The following TMEM131L variants were observed in gnomAD, a reference collection of about 807,000 sequenced individuals.
TMEM131L encodes the protein transmembrane protein 131-like.
A neutral mutation model predicts 192.2 loss-of-function variants in TMEM131L; 54 were observed. The ratio of observed to expected loss-of-function variants is 0.28; its 90% confidence interval spans 0.23 to 0.35. The LOEUF (loss-of-function observed/expected upper bound fraction) is 0.35, where lower values mean the gene tolerates loss of function less well. TMEM131L is among the 10% of genes least tolerant of loss of function. The pLI is 1.00. For synonymous variants in TMEM131L, 701 were observed against 704.9 expected (o/e 0.99, Z 0.09); for missense variants, 1,888 against 1,972.9 (o/e 0.96, Z 0.82).
chr4:153,466,808 A>C (rs1187103686), intron 1 of TMEM131L, among the ~76,000 whole-genome samples: 2 of 152,052 alleles, frequency 1.3e-5, no homozygotes, highest in Non-Finnish European at 2.9e-5. Flanking sequence ...CCCCGGGCGC[A>C]GCCCCCGCTT....
intron 1 of TMEM131L, 34 bp from the exon 2 acceptor site, chr4:153,467,177 T>A (rs1730819926): frequency 6.5e-7 from 1 of 1,548,286 alleles, no homozygotes; most frequent in Middle Eastern, 1.7e-4. Context: ...TAGCGTGCAT[T>A]AAAAACGTGG....
In TMEM131L at chr4:153,493,531, G is replaced by A. The variant is rs944877762; in HGVS notation, c.239+19643G>A. Among the ~76,000 whole-genome samples the A allele has an allele frequency of 4.6e-5, 7 of 151,782 alleles. No individual in the cohort carries two copies. The East Asian group carries it at 5.8e-4, about 13-fold the overall frequency. ...AAAAATTAGCCGGGCATGGCGGTGC[G>A]CACTGGTAATCCCAGCTACTTGGGA... On this transcript the variant is annotated intron_variant, in intron 3 of 34. Coordinates refer to ENST00000409959, the MANE Select transcript of TMEM131L (RefSeq NM_001131007.2).
intron 3 of TMEM131L, among the ~76,000 whole-genome samples, chr4:153,525,187 C>G (rs6535919): frequency 0.28 from 42,898 of 152,012 alleles, 6,276 homozygotes; most frequent in African/African-American, 0.35. Context: ...GAGTGGTGCA[C>G]ACAAATCAGG....
intron 3 of TMEM131L, among the ~76,000 whole-genome samples, chr4:153,514,903 C>T (rs548253238): frequency 2.0e-5 from 3 of 152,132 alleles, no homozygotes; most frequent in Admixed American, 2.0e-4. Context: ...ACTTCCGCCT[C>T]CTGGGTTCAA....
Position 153,466,528 on chromosome 4 carries a change from C to G in TMEM131L, c.124+7C>G, listed in dbSNP as rs1018597389. The G allele has an allele frequency of 1.5e-6, 2 of 1,342,406 alleles. No homozygotes were observed. The highest frequency in any genetic ancestry group is 3.0e-5 in the African/African-American group (2 of 65,850). The allele number at this position is 1,342,406 out of a possible 1,614,324, so 83.2% of individuals were successfully genotyped here. A position where few individuals can be genotyped will look rare whatever the true frequency, so the allele number is the denominator to read the frequency against. Reference sequence around the variant, plus strand: ...GGAGGGGCTCAGGGACAAGGTCAGCCTTGCGCCGCTGGGCTCGCTCTGCCT... The same window carrying G: ...GGAGGGGCTCAGGGACAAGGTCAGCGTTGCGCCGCTGGGCTCGCTCTGCCT... On this transcript the variant is annotated splice_region_variant and intron_variant, in intron 1 of 34. Coordinates refer to ENST00000409959, the MANE Select transcript of TMEM131L (RefSeq NM_001131007.2).
intron 3 of TMEM131L, among the ~76,000 whole-genome samples, chr4:153,544,572 G>A (rs1020700984): frequency 6.6e-5 from 10 of 152,192 alleles, no homozygotes; most frequent in African/African-American, 1.9e-4. Context: ...CAGCAGGCCA[G>A]CTTGTGAGTG....
chr4:153,584,028 C>A (rs772399567), intron 11 of TMEM131L, among the ~76,000 whole-genome samples: 1 of 152,138 alleles, frequency 6.6e-6, no homozygotes, highest in Non-Finnish European at 1.5e-5. Flanking sequence ...ACTCTTTGAT[C>A]CTTAATTCTA....
At chr4:153,581,607 A>T in intron 9 of TMEM131L, 47 bp downstream of exon 9, 1 of 1,297,224 alleles carries the variant, frequency 7.7e-7, no homozygotes, top group Non-Finnish European at 1.0e-6. Flanking sequence ...ATCAGTCTGC[A>T]TCATCATTCT....
chr4:153,563,456 CTTTTTTTTTTTTTTTTTT>C (rs1177255196), intron 7 of TMEM131L, among the ~76,000 whole-genome samples: 1 of 88,198 alleles, frequency 1.1e-5, no homozygotes, highest in Admixed American at 1.2e-4. Context: ...GATATGTACC[CTTTTTTTTTTTTTTTTTT>C]TTTTTTTTTT....
At chr4:153,579,974 T>C (rs1167831447) in intron 7 of TMEM131L, among the ~76,000 whole-genome samples, 2 of 152,210 alleles carry the variant, frequency 1.3e-5, no homozygotes, top group Non-Finnish European at 2.9e-5. Flanking sequence ...AATGCCTTCT[T>C]ACCTTGCCAA....
At chr4:153,595,402 G>A (rs140521372) in intron 19 of TMEM131L, among the ~76,000 whole-genome samples, 399 of 152,248 alleles carry the variant, frequency 2.6e-3, no homozygotes, top group Non-Finnish European at 4.6e-3. Context: ...TATTACCTGC[G>A]TAAAGCAGGG....
At position 153,535,302 on chromosome 4, in the gene TMEM131L, C is replaced by T. The variant is rs142988214; in HGVS notation, c.240-14771C>T. 3.3e-3 allele frequency among the ~76,000 whole-genome samples: 499 copies of T among 152,248 alleles called. 1 individual carries two copies. Among genetic ancestry groups the T allele is most frequent in the Admixed American group, 6.5e-3 (100 of 15,296 alleles). On this transcript the variant is annotated intron_variant, in intron 3 of 34. Transcript: ENST00000409959. ...GGGTAAGATCAGGAGCTCAGTTTCA[C>T]ACCTGTTGAGTTTTGGGATGTCTTT... is the stretch of plus-strand genomic sequence containing the variant.
At chr4:153,496,837 C>A (rs1733206381) in intron 3 of TMEM131L, among the ~76,000 whole-genome samples, 1 of 151,184 alleles carries the variant, frequency 6.6e-6, no homozygotes, top group African/African-American at 2.4e-5. Flanking sequence ...CAGGTGTGAG[C>A]CACTGTACTT....
chr4:153,541,354 G>A (rs1736764221), intron 3 of TMEM131L, among the ~76,000 whole-genome samples: 2 of 152,184 alleles, frequency 1.3e-5, no homozygotes, highest in Non-Finnish European at 2.9e-5. Flanking sequence ...GAGAGAAAAT[G>A]CCTTTTGGTC....
chr4:153,500,316 G>A (rs1436225420), intron 3 of TMEM131L, among the ~76,000 whole-genome samples: 1 of 152,102 alleles, frequency 6.6e-6, no homozygotes, highest in African/African-American at 2.4e-5. Context: ...ATGTTGCCCA[G>A]GCTGATCTTG....
intron 3 of TMEM131L, among the ~76,000 whole-genome samples, chr4:153,500,633 ATCT>A (rs1317725108): frequency 6.6e-6 from 1 of 152,208 alleles, no homozygotes; most frequent in Non-Finnish European, 1.5e-5. Context: ...TGGGTCCGTC[ATCT>A]TCTTTTTATT....
intron 3 of TMEM131L, among the ~76,000 whole-genome samples, chr4:153,534,495 G>C (rs1032615087): frequency 6.6e-6 from 1 of 152,032 alleles, no homozygotes; most frequent in Non-Finnish European, 1.5e-5. Context: ...GTACAGTGGC[G>C]CAATCTCAGC....
At chr4:153,578,455 A>G (rs974512269) in intron 7 of TMEM131L, among the ~76,000 whole-genome samples, 5 of 151,050 alleles carry the variant, frequency 3.3e-5, no homozygotes, top group African/African-American at 7.3e-5. Flanking sequence ...TCCTGGGTTC[A>G]AGTGATTCTC....
intron 3 of TMEM131L, among the ~76,000 whole-genome samples, chr4:153,523,376 G>T (rs568424197): frequency 7.2e-5 from 11 of 152,310 alleles, no homozygotes; most frequent in African/African-American, 2.4e-4. Context: ...TTTGCCTTAA[G>T]CTAGCAGAGG....
Sources: allele counts gnomAD v4.1 joint callset (sites outside exome capture counted in the v4.1 genomes callset), GRCh38; gene constraint gnomAD v4.1.1; transcripts MANE v1.5; gene names NCBI Gene and HGNC (gene_info 2026-07-23, HGNC 2026-07-21).